Variants in PTGR1 observed in about 807,000 individuals in gnomAD.
PTGR1 encodes the protein prostaglandin reductase 1.
Under a neutral mutation model 37.7 loss-of-function variants are expected in PTGR1, and 23 were observed. The ratio of observed to expected loss-of-function variants is 0.61; its 90% CI spans 0.44 to 0.86. PTGR1 has a LOEUF of 0.86. Ranked by LOEUF, PTGR1 falls within the 40% of genes least tolerant of loss-of-function variation. PTGR1 has a pLI of 0.00. For synonymous variants in PTGR1, 134 were observed against 140.0 expected (o/e 0.96, Z 0.30); for missense variants, 351 against 394.3 (o/e 0.89, Z 0.93).
chr9:111,573,612 C>A (rs938060446), intron 8 of PTGR1, among the ~76,000 whole-genome samples: 1 of 152,060 alleles, frequency 6.6e-6, no homozygotes, highest in Non-Finnish European at 1.5e-5. Context: ...TTTGTGATCT[C>A]TCTTAATAGC....
chr9:111,583,407 T>C (rs1829336054), intron 6 of PTGR1, 65 bp downstream of exon 6: 1 of 1,320,132 alleles, frequency 7.6e-7, no homozygotes, highest in Non-Finnish European at 1.1e-6. Flanking sequence ...GAAGATTTGC[T>C]GTGTTCACTG....
intron 3 of PTGR1, 55 bp from the exon 4 acceptor site, chr9:111,593,037 C>T: frequency 2.0e-6 from 3 of 1,475,788 alleles, no homozygotes; most frequent in Non-Finnish European, 2.7e-6. Flanking sequence ...AAATAAAATT[C>T]CATTCTTAAT....
downstream of PTGR1, among the ~76,000 whole-genome samples, chr9:111,561,088 TATATATATATATATATATATATAGAGAG>T (rs1828285715): frequency 5.6e-5 from 1 of 17,954 alleles, no homozygotes; most frequent in Non-Finnish European, 9.9e-5. Flanking sequence ...ATCTAAAATA[TATATATATATATATATATATATAGAGAG>T]AGAGAGAGAG....
At chr9:111,581,455 G>A (rs145469556) in intron 6 of PTGR1, among the ~76,000 whole-genome samples, 22 of 152,220 alleles carry the variant, frequency 1.4e-4, no homozygotes, top group South Asian at 1.2e-3. Context: ...ACATTTCCTG[G>A]TGATATTTCT....
chr9:111,592,954 C>T lies in PTGR1; in HGVS notation c.181G>A (p.Asp61Asn), dbSNP rs1321390898. The change falls in exon 4 of 10, where the codon GAT (aspartate) becomes AAT (asparagine). Residue 61 changes from aspartate (D) to asparagine (N), a missense_variant. Transcript: ENST00000407693. ...GCCACTTGCTGCCCCATCATTGTAT[C>T]ACCTTCCTTCAATCTTTTGGCTGCC... ...RVAAKRLKEG[D>N]TMMGQQVAKV... 1 of 1,260,830 alleles carries T rather than the reference C, an allele frequency of 7.9e-7. No homozygotes were observed. Among genetic ancestry groups the T allele is most frequent in the African/African-American group, 1.9e-5 (1 of 53,934 alleles). 78.1% of individuals were successfully genotyped at this position (1,260,830 alleles called of 1,614,324 possible). A position where few individuals can be genotyped will look rare whatever the true frequency, so the allele number is the denominator to read the frequency against.
chr9:111,557,681 C>T (rs1297377792), downstream of PTGR1, among the ~76,000 whole-genome samples: 2 of 152,028 alleles, frequency 1.3e-5, no homozygotes, highest in African/African-American at 4.8e-5. Flanking sequence ...CCGCCCACCT[C>T]GGCCTCCCTA....
At chr9:111,566,174 G>A (rs1828553449) in intron 9 of PTGR1, among the ~76,000 whole-genome samples, 2 of 152,106 alleles carry the variant, frequency 1.3e-5, no homozygotes, top group South Asian at 4.1e-4. Flanking sequence ...CTGCACTCCA[G>A]CCTGGACGAC....
At chr9:111,563,403 C>T in intron 9 of PTGR1, 172 bp from the exon 10 acceptor site, 1 of 574,316 alleles carries the variant, frequency 1.7e-6, no homozygotes, top group South Asian at 3.0e-5. Flanking sequence ...TCCACTTACA[C>T]AGTACATGTA....
chr9:111,554,244 A>G (rs1412400164), intron 9 of PTGR1, among the ~76,000 whole-genome samples: 2 of 152,310 alleles, frequency 1.3e-5, no homozygotes, highest in East Asian at 3.9e-4. Flanking sequence ...GCCTGGGAGC[A>G]TTGTGGAAAA....
intron 4 of PTGR1, among the ~76,000 whole-genome samples, chr9:111,586,956 C>T (rs531816667): frequency 9.8e-4 from 149 of 151,722 alleles, no homozygotes; most frequent in African/African-American, 3.3e-3. Context: ...GGATTATAGG[C>T]GCCCACCACA....
chr9:111,549,842 A>G (rs1359657381), intron 9 of PTGR1: 1 of 1,291,610 alleles, frequency 7.7e-7, no homozygotes, highest in Non-Finnish European at 1.1e-6. Flanking sequence ...AGCATCTTTA[A>G]GGCAGTTGCT....
At chr9:111,561,209 A>T (rs1230443583), downstream of PTGR1, among the ~76,000 whole-genome samples, 6 of 137,698 alleles carry the variant, frequency 4.4e-5, no homozygotes, top group African/African-American at 1.7e-4. Context: ...GTCCAAGAGT[A>T]TGGTACCTTT....
chr9:111,596,770 T>C (rs1829793226), intron 2 of PTGR1, among the ~76,000 whole-genome samples: 1 of 139,638 alleles, frequency 7.2e-6, no homozygotes, highest in African/African-American at 2.7e-5. Context: ...TCAGAAAAAA[T>C]ACAAAAATTA....
At chr9:111,583,212 T>C (rs571044765) in intron 6 of PTGR1, among the ~76,000 whole-genome samples, 3 of 152,326 alleles carry the variant, frequency 2.0e-5, no homozygotes, top group Admixed American at 2.0e-4. Context: ...CAGTAAAAAA[T>C]ATGAAAATGA....
intron 1 of PTGR1, among the ~76,000 whole-genome samples, chr9:111,597,897 A>G (rs1313943424): frequency 1.3e-5 from 2 of 152,002 alleles, no homozygotes; most frequent in East Asian, 3.9e-4. Flanking sequence ...AAGTCCATGC[A>G]CCTCTTTCAG....
At chr9:111,585,256 T>G (rs1436742013) in intron 5 of PTGR1, among the ~76,000 whole-genome samples, 1 of 152,170 alleles carries the variant, frequency 6.6e-6, no homozygotes, top group Admixed American at 6.5e-5. Context: ...ATAAATTATC[T>G]TCTCTTTCAG....
downstream of PTGR1, among the ~76,000 whole-genome samples, chr9:111,560,659 A>C (rs1434850489): frequency 7.6e-5 from 11 of 143,812 alleles, no homozygotes; most frequent in East Asian, 2.3e-3. Flanking sequence ...AAAAAAAAAA[A>C]GGCACCACGC....
chr9:111,560,974 T>TAGAG (rs1172194603), downstream of PTGR1, among the ~76,000 whole-genome samples: 1 of 9,334 alleles, frequency 1.1e-4, no homozygotes, highest in African/African-American at 4.9e-4. Context: ...TATATATATA[T>TAGAG]AGAGAGAGAG....
intron 9 of PTGR1, among the ~76,000 whole-genome samples, chr9:111,551,180 TA>T (rs778295034): frequency 2.4e-4 from 37 of 152,310 alleles, no homozygotes; most frequent in Non-Finnish European, 1.8e-4. Flanking sequence ...GTAATCAATG[TA>T]AAAAAGTATT....
Sources: allele counts gnomAD v4.1 joint callset (sites outside exome capture counted in the v4.1 genomes callset), GRCh38; gene constraint gnomAD v4.1.1; transcripts MANE v1.5; gene names NCBI Gene and HGNC (gene_info 2026-07-23, HGNC 2026-07-21).